The following ENG variants were observed in gnomAD, a reference collection of about 807,000 sequenced individuals.
ENG encodes CD105 antigen.
In ENG, 17 loss-of-function variants were observed where a neutral mutation model predicts 71.0. The ratio of observed to expected loss-of-function variants is 0.24; its 90% CI spans 0.16 to 0.36. The LOEUF is 0.36. Among genes scored for constraint, ENG ranks in the 10% least tolerant of loss-of-function variants. ENG has a pLI of 1.00. For synonymous variants in ENG, 360 were observed against 366.9 expected, an observed-to-expected ratio of 0.98 and a Z score of 0.21; for missense variants, 749 against 868.3, an observed-to-expected ratio of 0.86 and a Z score of 1.73.
chr9:127,819,898 A>G lies in ENG; in HGVS notation c.1272+2T>C, dbSNP rs1830431391. On this transcript the variant is annotated splice_donor_variant, in intron 9 of 14. Transcript: ENST00000373203. LOFTEE classifies it high-confidence loss of function. ...TGATACCTTTTTGGCCCCAGCTCTT[A>G]CCTCATTGCTGATCATACTTGCTGA... 1 of 1,614,204 alleles carries G rather than the reference A, an allele frequency of 6.2e-7. No individual in the cohort carries two copies. Among genetic ancestry groups the G allele is most frequent in the Non-Finnish European group, 8.5e-7 (1 of 1,180,036 alleles).
intron 4 of ENG, 85 bp from the exon 5 acceptor site, chr9:127,825,945 T>C: frequency 6.6e-7 from 1 of 1,520,700 alleles, no homozygotes; most frequent in South Asian, 1.2e-5. Flanking sequence ...CCAAAGATAG[T>C]GGTGGGGCAG....
At chr9:127,824,191 G>A in intron 8 of ENG, 113 bp downstream of exon 8, 7 of 1,475,370 alleles carry the variant, frequency 4.7e-6, no homozygotes, top group Non-Finnish European at 6.6e-6. Flanking sequence ...ACTAAGGCTT[G>A]CAGAGGGACG....
intron 2 of ENG, among the ~76,000 whole-genome samples, chr9:127,840,679 G>T (rs1831009582): frequency 6.6e-6 from 1 of 152,146 alleles, no homozygotes; most frequent in African/African-American, 2.4e-5. Context: ...GCTATGCGAG[G>T]TGCTGGCCAG....
intron 2 of ENG, among the ~76,000 whole-genome samples, chr9:127,835,335 G>A (rs1208517504): frequency 1.3e-5 from 2 of 152,186 alleles, no homozygotes; most frequent in African/African-American, 4.8e-5. Context: ...GCTGGGCGTG[G>A]TGCCAGAGCG....
At position 127,829,703 on chromosome 9, in the gene ENG, G is replaced by A. The variant is rs146987480; in HGVS notation, c.344C>T (p.Pro115Leu). 1.9e-6 allele frequency: 3 copies of A among 1,613,974 alleles called. No individual in the cohort carries two copies. The African/African-American group carries it at 4.0e-5, about 22-fold the overall frequency. Residue 115 changes from proline (P) to leucine (L), a missense_variant, in exon 3 of 15, where the codon CCA (proline) becomes CTA (leucine). Physicochemically the swap from Pro to Leu is moderately conservative, Grantham distance 98. Coordinates refer to ENST00000373203, the MANE Select transcript of ENG (RefSeq NM_001114753.3). ...VFLHLQALGI[P>L]LHLAYNSSLV... ...CACACTCACGTAGGCCAAGTGCAGT[G>A]GGATTCCCAGGGCCTGGAGATGCAG...
intron 3 of ENG, 117 bp from the exon 4 acceptor site, chr9:127,826,789 G>A (rs557935828): frequency 8.2e-5 from 111 of 1,361,716 alleles, no homozygotes; most frequent in South Asian, 2.6e-4. Flanking sequence ...GAAAGAGGCC[G>A]GAGCTGAGAA....
chr9:127,847,915 G>A (rs1831209343), intron 1 of ENG, among the ~76,000 whole-genome samples: 1 of 152,162 alleles, frequency 6.6e-6, no homozygotes, highest in Non-Finnish European at 1.5e-5. Flanking sequence ...GATGCCTGCA[G>A]GGTCAAGTTC....
At chr9:127,851,352 T>C (rs1341625056) in intron 1 of ENG, among the ~76,000 whole-genome samples, 7 of 151,898 alleles carry the variant, frequency 4.6e-5, no homozygotes, top group Non-Finnish European at 1.0e-4. Flanking sequence ...CCCAAGTAGC[T>C]GGGATTACAG....
In ENG at chr9:127,824,423, C is replaced by T. The variant is rs761463410; in HGVS notation, c.1015G>A (p.Ala339Thr). Residue 339 changes from alanine to threonine, a missense_variant, in exon 8 of 15, where the codon GCA (alanine) becomes ACA (threonine). By Grantham distance (58) the Ala-to-Thr change is moderately conservative (BLOSUM62 0). Transcript: ENST00000373203. ...SCGGRLQTSPAPIQTTPPKDT... is the reference protein window; with the variant it reads ...SCGGRLQTSPTPIQTTPPKDT... ...TTGGGAGGAGTGGTCTGGATCGGTG[C>T]GGGTGAGGTCTGCAGCCTACCACCT... 104 of 1,557,544 alleles carry T rather than the reference C, an allele frequency of 6.7e-5. No individual in the cohort carries two copies. Among genetic ancestry groups the T allele is most frequent in the Middle Eastern group, 1.7e-4 (1 of 5,770 alleles).
In ENG at chr9:127,818,836, G is replaced by A; in HGVS notation, c.1312-4C>T. ...TGTTGAGGCAGTGCACCTTTTTCTG[G>A]GGGAGGACGGGAGGGAGACTTGGTC... On this transcript the variant is annotated splice_polypyrimidine_tract_variant and splice_region_variant and intron_variant, in intron 10 of 14. Transcript: ENST00000373203. 6.2e-7 allele frequency: 1 copy of A among 1,613,792 alleles called. No individual in the cohort carries two copies. Among genetic ancestry groups the A allele is most frequent in the East Asian group, 2.2e-5 (1 of 44,874 alleles).
rs755184582 is a variant in ENG at position 127,843,184 on chromosome 9, T to C, written c.129A>G (p.Thr43=). Residue 43 remains threonine, a synonymous_variant, in exon 2 of 15, where the codon ACA becomes ACG. Transcript: ENST00000373203. ...QPVGPERGEV[T]YTTSQVSKGC... is the part of the protein sequence containing the mutation. ...CCTTCGAGACCTGGCTAGTGGTATATGTCACCTCGCCCCTCTCGGGGCCCA... is the reference window on the plus strand; with the variant it reads ...CCTTCGAGACCTGGCTAGTGGTATACGTCACCTCGCCCCTCTCGGGGCCCA... The C allele has an allele frequency of 6.2e-7, 1 of 1,614,220 alleles. No homozygotes were observed. Among genetic ancestry groups the C allele is most frequent in the Admixed American group, 1.7e-5 (1 of 60,026 alleles).
intron 1 of ENG, 53 bp downstream of exon 1, chr9:127,854,236 T>A: frequency 6.5e-7 from 1 of 1,533,904 alleles, no homozygotes; most frequent in Non-Finnish European, 8.8e-7. Context: ...ACTTGGGGCC[T>A]GGTCCGTGCA....
chr9:127,825,391 G>C lies in ENG; in HGVS notation c.690-34C>G, dbSNP rs752958277. On this transcript the variant is annotated intron_variant, in intron 5 of 14. Transcript: ENST00000373203. ...AGACAGACGCGGATGGAACACTGAA[G>C]CGGACAGGCCAGGCGGGGAGCGAGG... The C allele has an allele frequency of 1.7e-5, 27 of 1,606,260 alleles. No individual in the cohort carries two copies. The Admixed American group carries it at 4.5e-4, about 27-fold the overall frequency.
intron 2 of ENG, among the ~76,000 whole-genome samples, chr9:127,831,278 A>G (rs768456948): frequency 3.3e-5 from 5 of 151,256 alleles, no homozygotes; most frequent in Non-Finnish European, 5.9e-5. Context: ...CTCCTGCCTC[A>G]GCCTCCCGAG....
At position 127,854,618 on chromosome 9, in the gene ENG, C is replaced by A. The variant is rs1419154234; in HGVS notation, c.-263G>T. The A allele has an allele frequency of 2.9e-5, 16 of 555,450 alleles. No individual in the cohort carries two copies. Among genetic ancestry groups the A allele is most frequent in the Non-Finnish European group, 4.5e-5 (14 of 314,048 alleles). 34.4% of individuals were successfully genotyped at this position (555,450 alleles called of 1,614,324 possible). The stretch of plus-strand genomic sequence containing the variant: ...GGGCTCCAATGGATGGCAGTGACAG[C>A]AGCAGTCCTGGCCCCAGGGCGCAGA... On this transcript the variant is annotated 5_prime_UTR_variant, in exon 1 of 15. Coordinates refer to ENST00000373203, the MANE Select transcript of ENG (RefSeq NM_001114753.3).
At chr9:127,830,653 A>C (rs1830743338) in intron 2 of ENG, among the ~76,000 whole-genome samples, 1 of 152,008 alleles carries the variant, frequency 6.6e-6, no homozygotes, top group Non-Finnish European at 1.5e-5. Context: ...GTCTCAAAAA[A>C]AAAAACAAAA....
chr9:127,852,431 C>T (rs1182919372), intron 1 of ENG, among the ~76,000 whole-genome samples: 1 of 152,174 alleles, frequency 6.6e-6, no homozygotes, highest in Non-Finnish European at 1.5e-5. Context: ...CCATGGGCCT[C>T]AGCTTCCCAG....
chr9:127,837,816 A>ATCCATCC (rs1564460838), intron 2 of ENG, among the ~76,000 whole-genome samples: 1 of 150,574 alleles, frequency 6.6e-6, no homozygotes, highest in African/African-American at 2.5e-5. Context: ...CCATCCATCC[A>ATCCATCC]ACAGATATTG....
Position 127,818,395 on chromosome 9 carries a change from GC to G in ENG, c.1429-19del. 2 of 1,612,212 alleles carry G rather than the reference GC, an allele frequency of 1.2e-6. No homozygotes were observed. The highest frequency in any genetic ancestry group is 1.7e-6 in the Non-Finnish European group (2 of 1,179,956). On this transcript the variant is annotated intron_variant, in intron 11 of 14. Coordinates refer to ENST00000373203, the MANE Select transcript of ENG (RefSeq NM_001114753.3). ...ACTCTGACCTGCATGGGTAGGTAGG[GC>G]CACGCGGCATGGGCAGCTGCTCTTC...
Sources: gnomAD v4.1 joint callset for allele counts (sites outside exome capture counted in the v4.1 genomes callset) on GRCh38, gnomAD v4.1.1 for gene constraint, MANE v1.5 for transcripts, NCBI Gene and HGNC (gene_info 2026-07-23, HGNC 2026-07-21) for gene names.